Variants in RBFOX3 observed in about 807,000 individuals in gnomAD.
RBFOX3 encodes the protein RNA binding fox-1 homolog 3.
In RBFOX3, 17 loss-of-function variants were observed where a neutral mutation model predicts 48.7. The observed-to-expected ratio is 0.35, with a 90% CI of 0.24 to 0.52. The LOEUF (loss-of-function observed/expected upper bound fraction) is 0.52, where lower values mean the gene tolerates loss of function less well. Among genes scored for constraint, RBFOX3 ranks in the 20% least tolerant of loss-of-function variants. The probability of loss-of-function intolerance (pLI) is 0.94; values close to 1 mark genes in which losing one functional copy is unlikely to be tolerated. For missense variants in RBFOX3, 382 were observed against 497.5 expected (o/e 0.77, Z 2.21); for synonymous variants, 212 against 209.5 (o/e 1.01, Z -0.10).
chr17:79,381,288 C>A (rs192416850), intron 2 of RBFOX3, among the ~76,000 whole-genome samples: 2 of 151,842 alleles, frequency 1.3e-5, no homozygotes, highest in African/African-American at 2.4e-5. Flanking sequence ...AAAAGAAACA[C>A]GTGAGATTCA....
chr17:79,647,942 G>T, the RBFOX3 span, among the ~76,000 whole-genome samples: 1 of 151,812 alleles, frequency 6.6e-6, no homozygotes, highest in Non-Finnish European at 1.5e-5. Flanking sequence ...GCCCACCTGG[G>T]GGTGCAGTGG....
At chr17:79,154,976 C>A (rs1202833530) in intron 4 of RBFOX3, among the ~76,000 whole-genome samples, 1 of 152,188 alleles carries the variant, frequency 6.6e-6, no homozygotes, top group Non-Finnish European at 1.5e-5. Flanking sequence ...CGCTGGCAGC[C>A]CAGCCTCGGC....
At chr17:79,261,609 G>A (rs2065791694) in intron 3 of RBFOX3, among the ~76,000 whole-genome samples, 1 of 152,218 alleles carries the variant, frequency 6.6e-6, no homozygotes, top group African/African-American at 2.4e-5. Flanking sequence ...CTGGGGTGGT[G>A]GGGGTGCATT....
intron 4 of RBFOX3, among the ~76,000 whole-genome samples, chr17:79,223,849 A>C (rs1432273126): frequency 6.6e-6 from 1 of 152,156 alleles, no homozygotes; most frequent in East Asian, 1.9e-4. Flanking sequence ...TCAATAATTC[A>C]GCAGCAGGAG....
At chr17:79,454,614 G>A (rs892474786) in intron 2 of RBFOX3, among the ~76,000 whole-genome samples, 8 of 152,156 alleles carry the variant, frequency 5.3e-5, no homozygotes, top group African/African-American at 9.7e-5. Context: ...ATTTCATACC[G>A]TCCGGCCCTG....
chr17:79,568,633 C>T (rs1396952623), intron 1 of RBFOX3, among the ~76,000 whole-genome samples: 1 of 152,206 alleles, frequency 6.6e-6, no homozygotes, highest in Non-Finnish European at 1.5e-5. Context: ...CACCCACCCA[C>T]AGCACCCTCG....
the RBFOX3 span, among the ~76,000 whole-genome samples, chr17:79,642,739 A>G: frequency 6.6e-6 from 1 of 152,254 alleles, no homozygotes; most frequent in Non-Finnish European, 1.5e-5. Context: ...AAGGAGGTAC[A>G]AATGCACGAG....
Position 79,141,636 on chromosome 17 carries a change from G to A in RBFOX3, c.-33-25888C>T, listed in dbSNP as rs577112568. On this transcript the variant is annotated intron_variant, in intron 4 of 14. Transcript: ENST00000693108. ...AGCCCCTTGGCAATGTGCCTGGGTC[G>A]GGCAGGCTAGAGCTTGAGTCCTGAG... is the stretch of plus-strand genomic sequence containing the variant. 5.3e-5 allele frequency among the ~76,000 whole-genome samples: 8 copies of A among 152,264 alleles called. No homozygotes were observed. The South Asian group carries it at 1.2e-3, about 24-fold the overall frequency.
In RBFOX3 at chr17:79,090,446, G is replaced by C. The variant is rs2073670617; in HGVS notation, c.*437C>G. 6.0e-6 allele frequency: 1 copy of C among 167,500 alleles called. No individual in the cohort carries two copies. Among genetic ancestry groups the C allele is most frequent in the African/African-American group, 2.4e-5 (1 of 41,992 alleles). The allele number at this position is 167,500 out of a possible 1,614,324, so 10.4% of individuals were successfully genotyped here. ...TGGCCACAAAGATCAAGTCTTGCTA[G>C]CAGCGCCTGCCTGCTCAGGCCCGGG... On this transcript the variant is annotated 3_prime_UTR_variant, in exon 15 of 15. Transcript: ENST00000693108.
intron 3 of RBFOX3, among the ~76,000 whole-genome samples, chr17:79,304,143 T>C (rs1038734812): frequency 1.3e-5 from 2 of 152,100 alleles, no homozygotes; most frequent in Non-Finnish European, 1.5e-5. Context: ...GAGTGTAGCA[T>C]AGAGTTTTGG....
At chr17:79,219,937 C>T (rs1427367280) in intron 4 of RBFOX3, among the ~76,000 whole-genome samples, 2 of 151,972 alleles carry the variant, frequency 1.3e-5, no homozygotes, top group Non-Finnish European at 2.9e-5. Context: ...TGTCCCAGCC[C>T]CCTGTCCCAG....
At chr17:79,097,573 C>A (rs1223788665) in intron 10 of RBFOX3, 119 bp downstream of exon 10, 12 of 1,408,780 alleles carry the variant, frequency 8.5e-6, no homozygotes, top group Middle Eastern at 2.6e-4. Context: ...AACACGGCGA[C>A]GGGAGGGCGG....
At chr17:79,324,205 C>T (rs1443209449) in intron 2 of RBFOX3, among the ~76,000 whole-genome samples, 2 of 152,182 alleles carry the variant, frequency 1.3e-5, no homozygotes, top group Non-Finnish European at 2.9e-5. Context: ...TGCCAGCCTG[C>T]AAGCATCTGG....
Position 79,418,384 on chromosome 17 carries a change from G to T in RBFOX3, c.-175+64070C>A, listed in dbSNP as rs1359838599. On this transcript the variant is annotated intron_variant, in intron 2 of 14. Coordinates refer to ENST00000693108, the MANE Select transcript of RBFOX3 (RefSeq NM_001350451.2). This position sits in a 1 kb window ranked among gnomAD's most constrained non-coding sequence, Gnocchi z 5.0. Reference sequence around the variant, plus strand: ...ACGTTCTTCCTACAGCAAAAGAAAGGTACCTGCCCCCAATTTTCCCTCCAC... The same window carrying T: ...ACGTTCTTCCTACAGCAAAAGAAAGTTACCTGCCCCCAATTTTCCCTCCAC... 6.6e-6 allele frequency among the ~76,000 whole-genome samples: 1 copy of T among 152,102 alleles called. No homozygotes were observed. Among genetic ancestry groups the T allele is most frequent in the Non-Finnish European group, 1.5e-5 (1 of 68,032 alleles).
chr17:79,652,574 A>AAGGAGAGGAG, the RBFOX3 span, among the ~76,000 whole-genome samples: 76 of 57,150 alleles, frequency 1.3e-3, 13 homozygotes, highest in East Asian at 7.1e-3. Flanking sequence ...AAGGAAAGGA[A>AAGGAGAGGAG]AGGAGAGGAG....
chr17:79,274,535 C>T (rs1077694), intron 3 of RBFOX3, among the ~76,000 whole-genome samples: 99,507 of 151,914 alleles, frequency 0.66, 32,907 homozygotes, highest in East Asian at 0.81. Flanking sequence ...GAGGCTGGTC[C>T]GACCTCTGTC....
intron 4 of RBFOX3, among the ~76,000 whole-genome samples, chr17:79,168,910 G>A (rs1245158613): frequency 2.0e-5 from 3 of 152,186 alleles, no homozygotes. Flanking sequence ...AGCCCACTTG[G>A]TACTCACAGT....
chr17:79,643,803 A>G, the RBFOX3 span, among the ~76,000 whole-genome samples: 1 of 152,188 alleles, frequency 6.6e-6, no homozygotes, highest in African/African-American at 2.4e-5. Flanking sequence ...AGCTTAGAGA[A>G]AATTTGTAGC....
intron 2 of RBFOX3, among the ~76,000 whole-genome samples, chr17:79,382,424 T>C (rs1042363979): frequency 2.0e-5 from 3 of 152,164 alleles, no homozygotes; most frequent in Non-Finnish European, 4.4e-5. Context: ...TGGCAAAAAG[T>C]GTACTTTCCC....
Sources: allele counts gnomAD v4.1 joint callset (sites outside exome capture counted in the v4.1 genomes callset), GRCh38; gene constraint gnomAD v4.1.1; non-coding constraint Gnocchi (gnomAD v3.1); transcripts MANE v1.5; gene names NCBI Gene and HGNC (gene_info 2026-07-23, HGNC 2026-07-21).